DLG2: variants seen among roughly 807,000 people sequenced by gnomAD.
DLG2 encodes the protein discs large MAGUK scaffold protein 2.
In DLG2, 45 loss-of-function variants were observed where a neutral mutation model predicts 132.5. The ratio of observed to expected loss-of-function variants is 0.34; its 90% CI spans 0.27 to 0.44. The LOEUF (loss-of-function observed/expected upper bound fraction) is 0.44. Ranked by LOEUF, DLG2 falls within the 20% of genes least tolerant of loss-of-function variation. DLG2 has a pLI of 1.00. For synonymous variants in DLG2, 424 were observed against 419.6 expected, an observed-to-expected ratio of 1.01 and a Z score of -0.13; for missense variants, 1,045 against 1,196.9, an observed-to-expected ratio of 0.87 and a Z score of 1.87.
intron 3 of DLG2, among the ~76,000 whole-genome samples, chr11:85,341,983 C>T (rs894162360): frequency 6.6e-6 from 1 of 152,080 alleles, no homozygotes; most frequent in African/African-American, 2.4e-5. Flanking sequence ...GTATAAGGCC[C>T]TTACCAGGAA....
intron 5 of DLG2, among the ~76,000 whole-genome samples, chr11:85,122,949 T>TTATATATATATATATATTATATA (rs1555376286): frequency 4.2e-5 from 2 of 48,166 alleles, no homozygotes; most frequent in Admixed American, 3.2e-4. Flanking sequence ...TGTATATATA[T>TTATATATATATATATATTATATA]TATATATATA....
At chr11:84,534,772 G>C in intron 6 of DLG2, 41 bp from the exon 7 acceptor site, 2 of 1,598,752 alleles carry the variant, frequency 1.3e-6, no homozygotes, top group South Asian at 1.1e-5. Context: ...GTATATATCA[G>C]TGTTTGTAAA....
At chr11:84,008,402 T>A (rs1055226703) in intron 11 of DLG2, among the ~76,000 whole-genome samples, 1 of 151,986 alleles carries the variant, frequency 6.6e-6, no homozygotes, top group African/African-American at 2.4e-5. Flanking sequence ...ATGTATGAAG[T>A]TATCTCAATG....
At chr11:84,066,749 A>G (rs1039139479) in intron 10 of DLG2, among the ~76,000 whole-genome samples, 4 of 152,142 alleles carry the variant, frequency 2.6e-5, no homozygotes, top group African/African-American at 9.7e-5. Flanking sequence ...CAACAAGGGC[A>G]AAACTCCATC....
At chr11:84,276,926 A>G (rs1196156432) in intron 7 of DLG2, among the ~76,000 whole-genome samples, 1 of 152,222 alleles carries the variant, frequency 6.6e-6, no homozygotes, top group African/African-American at 2.4e-5. Context: ...AAGAATGCAC[A>G]TGAGACAAAA....
At chr11:83,469,050 C>G in intron 25 of DLG2, 151 bp downstream of exon 25, 1 of 631,542 alleles carries the variant, frequency 1.6e-6, no homozygotes, top group East Asian at 2.8e-5. Context: ...TGACATTGCT[C>G]TAAGGTGATT....
chr11:83,903,471 T>G (rs12275182), intron 15 of DLG2, among the ~76,000 whole-genome samples: 13,843 of 152,128 alleles, frequency 0.091, 787 homozygotes, highest in Middle Eastern at 0.19. Flanking sequence ...TAAATAGTAT[T>G]AATTGATTCT....
At chr11:85,272,019 G>A (rs770235644) in intron 4 of DLG2, among the ~76,000 whole-genome samples, 15 of 152,100 alleles carry the variant, frequency 9.9e-5, no homozygotes, top group Non-Finnish European at 1.6e-4. Context: ...GATATGGTTC[G>A]GCTATGTTCC....
At chr11:84,332,792 T>C (rs1039781938) in intron 7 of DLG2, among the ~76,000 whole-genome samples, 1 of 152,146 alleles carries the variant, frequency 6.6e-6, no homozygotes, top group Non-Finnish European at 1.5e-5. Flanking sequence ...TTGGAACAAA[T>C]TAAAGTCAAC....
In DLG2 at chr11:85,196,351, A is replaced by C. The variant is rs192719985; in HGVS notation, c.187-41700T>G. Among the ~76,000 whole-genome samples the C allele has an allele frequency of 3.3e-4, 50 of 152,334 alleles. 1 individual carries two copies. Among genetic ancestry groups the C allele is most frequent in the African/African-American group, 9.9e-4 (41 of 41,582 alleles). On this transcript the variant is annotated intron_variant, in intron 4 of 27. Transcript: ENST00000376104. ...AACTGTTCAATTTTCCTTTATTTAA[A>C]TTCTCTATAGAGATTACTAATGATA...
rs180909201 is a variant in DLG2 at position 84,081,099 on chromosome 11, G to C, written c.749+17824C>G. 5.0e-4 allele frequency among the ~76,000 whole-genome samples: 76 copies of C among 151,676 alleles called. 2 individuals are homozygous for C. In the East Asian group the frequency reaches 9.5e-3, roughly 19 times the overall value. On this transcript the variant is annotated intron_variant, in intron 10 of 27. Coordinates refer to ENST00000376104, the MANE Select transcript of DLG2 (RefSeq NM_001142699.3). ...ATAATATTTAAAGGAGTTAACAAAC[G>C]ATAGGAGAAGACAGAAAATTATACC...
intron 3 of DLG2, among the ~76,000 whole-genome samples, chr11:85,583,057 A>AAAT (rs1436845621): frequency 5.9e-5 from 6 of 101,634 alleles, no homozygotes; most frequent in Admixed American, 1.0e-4. Flanking sequence ...GGAAAAAAAA[A>AAAT]ATATATATAT....
Position 83,868,398 on chromosome 11 carries a change from C to T in DLG2, c.1565+6022G>A, listed in dbSNP as rs7107635. Among the ~76,000 whole-genome samples the T allele has an allele frequency of 4.8e-3, 731 of 152,156 alleles. 10 individuals carry two copies. The highest frequency in any genetic ancestry group is 0.016 in the African/African-American group (657 of 41,520). ...GCAGTTTGATTTCTTCCGATCATTT[C>T]TAAAAATCAAATGGGTGCTCATCTC... On this transcript the variant is annotated intron_variant, in intron 16 of 27. Transcript: ENST00000376104.
intron 6 of DLG2, among the ~76,000 whole-genome samples, chr11:84,581,578 C>T (rs1384362134): frequency 1.3e-5 from 2 of 152,106 alleles, no homozygotes; most frequent in African/African-American, 2.4e-5. Context: ...TATAATGTCT[C>T]TCATGCAAAA....
At chr11:85,033,384 A>G (rs576374883) in intron 6 of DLG2, among the ~76,000 whole-genome samples, 1 of 124,156 alleles carries the variant, frequency 8.1e-6, no homozygotes, top group East Asian at 2.4e-4. Context: ...AATATATCCT[A>G]GCAAAAAAAA....
chr11:84,820,444 C>G (rs1055506577), intron 6 of DLG2, among the ~76,000 whole-genome samples: 3 of 151,882 alleles, frequency 2.0e-5, no homozygotes, highest in Admixed American at 1.3e-4. Context: ...CTTTGCCCCT[C>G]TTAGGATCTC....
intron 11 of DLG2, among the ~76,000 whole-genome samples, chr11:84,027,483 T>C (rs2095567833): frequency 6.6e-6 from 1 of 151,518 alleles, no homozygotes; most frequent in Admixed American, 6.6e-5. Context: ...TTGAGACAAA[T>C]TTAAAAAAAA....
chr11:84,875,792 A>G (rs114253223), intron 6 of DLG2, among the ~76,000 whole-genome samples: 5,348 of 152,180 alleles, frequency 0.035, 237 homozygotes, highest in African/African-American at 0.088. Flanking sequence ...GCTGGAGTAC[A>G]GTGGTGGCGA....
intron 7 of DLG2, among the ~76,000 whole-genome samples, chr11:84,475,103 T>C (rs1016789084): frequency 6.6e-6 from 1 of 152,154 alleles, no homozygotes; most frequent in African/African-American, 2.4e-5. Context: ...TGATAGCACA[T>C]GTTGAGCTCC....
Sources: gnomAD v4.1 joint callset for allele counts (sites outside exome capture counted in the v4.1 genomes callset) on GRCh38, gnomAD v4.1.1 for gene constraint, MANE v1.5 for transcripts, NCBI Gene and HGNC (gene_info 2026-07-23, HGNC 2026-07-21) for gene names.